Variants in GRK2 observed in about 807,000 individuals in gnomAD.
GRK2 encodes G protein-coupled receptor kinase 2.
A neutral mutation model predicts 97.8 loss-of-function variants in GRK2; 23 were observed. That is an observed-to-expected ratio of 0.24 (90% CI 0.17 to 0.33). The LOEUF (loss-of-function observed/expected upper bound fraction) is 0.33, where lower values mean the gene tolerates loss of function less well. Ranked by LOEUF, GRK2 falls within the 10% of genes least tolerant of loss-of-function variation. The pLI is 1.00. For missense variants in GRK2, 633 were observed against 956.9 expected (o/e 0.66, Z 4.47); for synonymous variants, 425 against 381.7 (o/e 1.11, Z -1.32).
At position 67,281,068 on chromosome 11, in the gene GRK2, G is replaced by A; in HGVS notation, c.556-25G>A. ...GGGCTGGGCAGAGGCAGCCTGTGGTGACCGCAGCTGTCGCTGCCCCTCAGC... is the reference window on the plus strand; with the variant it reads ...GGGCTGGGCAGAGGCAGCCTGTGGTAACCGCAGCTGTCGCTGCCCCTCAGC... On this transcript the variant is annotated intron_variant, in intron 7 of 20. Coordinates refer to ENST00000308595, the MANE Select transcript of GRK2 (RefSeq NM_001619.5). The surrounding 1 kb of genome is among the most constrained non-coding windows in gnomAD (Gnocchi z 5.7). The A allele has an allele frequency of 1.3e-6, 2 of 1,595,946 alleles. No homozygotes were observed. Among genetic ancestry groups the A allele is most frequent in the Non-Finnish European group, 1.7e-6 (2 of 1,168,204 alleles).
At position 67,282,642 on chromosome 11, in the gene GRK2, G is replaced by C. The variant is rs1860179727; in HGVS notation, c.1160+100G>C. 1 of 1,555,044 alleles carries C rather than the reference G, an allele frequency of 6.4e-7. No homozygotes were observed. Among genetic ancestry groups the C allele is most frequent in the Non-Finnish European group, 8.8e-7 (1 of 1,134,710 alleles). The stretch of plus-strand genomic sequence containing the variant: ...AAGGAGGGGAGCCCATAGCTGCCTT[G>C]GTGGTAGGGTTGGCACCGTCCCTGA... On this transcript the variant is annotated intron_variant, in intron 13 of 20. Transcript: ENST00000308595. This position sits in a 1 kb window ranked among gnomAD's most constrained non-coding sequence, Gnocchi z 6.9.
intron 6 of GRK2, chr11:67,280,299 T>A: frequency 2.7e-6 from 1 of 364,690 alleles, no homozygotes; most frequent in Non-Finnish European, 5.1e-6. Flanking sequence ...GTTGGCGCGG[T>A]GGGTGGGAAT....
chr11:67,275,426 C>G (rs1015384700), intron 1 of GRK2, among the ~76,000 whole-genome samples: 7 of 152,228 alleles, frequency 4.6e-5, no homozygotes, highest in Non-Finnish European at 8.8e-5. Flanking sequence ...CGGGGCTGGC[C>G]TCATAACCCT....
At chr11:67,279,172 C>T in intron 2 of GRK2, 28 bp from the exon 3 acceptor site, 2 of 1,599,060 alleles carry the variant, frequency 1.3e-6, no homozygotes, top group South Asian at 2.2e-5. Flanking sequence ...AGAGGCGTGG[C>T]TCTGTGACCT....
In GRK2 at chr11:67,271,790, C is replaced by G. The variant is rs575139935; in HGVS notation, c.113+4978C>G. Among the ~76,000 whole-genome samples, 22 of 152,332 alleles carry G rather than the reference C, an allele frequency of 1.4e-4. 1 individual carries two copies. The East Asian group carries it at 1.5e-3, about 11-fold the overall frequency. On this transcript the variant is annotated intron_variant, in intron 1 of 20. Coordinates refer to ENST00000308595, the MANE Select transcript of GRK2 (RefSeq NM_001619.5). ...ACCTGCCGGTTTGGGCTGGCCTTTC[C>G]TATTTGATCTGTGGCCCCGTCCTTG...
Position 67,266,486 on chromosome 11 carries a change from G to A in GRK2, c.-214G>A, listed in dbSNP as rs1265460452. The A allele has an allele frequency of 1.4e-5, 2 of 145,228 alleles. No homozygotes were observed. Among genetic ancestry groups the A allele is most frequent in the African/African-American group, 4.9e-5 (2 of 40,472 alleles). The allele number at this position is 145,228 out of a possible 1,614,324, so 9.0% of individuals were successfully genotyped here. A position where few individuals can be genotyped will look rare whatever the true frequency, so the allele number is the denominator to read the frequency against. On this transcript the variant is annotated 5_prime_UTR_variant, in exon 1 of 21. Transcript: ENST00000308595. ...CGCCCCGACTGCAGTCCCGGCGGGA[G>A]CGGAGCGCGAGCCGGGGCCGGGCCC... is the stretch of plus-strand genomic sequence containing the variant.
In GRK2 at chr11:67,283,889, G is replaced by A. The variant is rs1860209605; in HGVS notation, c.1431G>A (p.Val477=). ...PPPLIPPRGE[V]NAADAFDIGS... ...CGCTGATCCCCCCACGAGGGGAGGT[G>A]AACGCGGCCGACGCCTTCGACATTG... is the stretch of plus-strand genomic sequence containing the variant. Residue 477 remains valine, a synonymous_variant, in exon 17 of 21, where the codon GTG becomes GTA. Coordinates refer to ENST00000308595, the MANE Select transcript of GRK2 (RefSeq NM_001619.5). 1 of 1,612,968 alleles carries A rather than the reference G, an allele frequency of 6.2e-7. No homozygotes were observed. Among genetic ancestry groups the A allele is most frequent in the Non-Finnish European group, 8.5e-7 (1 of 1,179,820 alleles).
rs951463478 is a variant in GRK2 at position 67,276,198 on chromosome 11, T to G, written c.114-1074T>G. ...ACATGGGCTCAGGTGTGTTGTCCCT[T>G]CAGGCCCCCAGCCTTGCAATGCCCT... On this transcript the variant is annotated intron_variant, in intron 1 of 20. Transcript: ENST00000308595. The surrounding 1 kb of genome is among the most constrained non-coding windows in gnomAD (Gnocchi z 4.2). 3.3e-5 allele frequency among the ~76,000 whole-genome samples: 5 copies of G among 152,302 alleles called. No homozygotes were observed. The East Asian group carries it at 9.6e-4, about 29-fold the overall frequency.
chr11:67,285,258 C>G, intron 20 of GRK2, 28 bp from the exon 21 acceptor site: 1 of 1,609,252 alleles, frequency 6.2e-7, no homozygotes. Context: ...AGAGCCCCAG[C>G]TGACAGAGCT....
chr11:67,283,981 G>A, intron 17 of GRK2, 32 bp downstream of exon 17: 1 of 1,561,514 alleles, frequency 6.4e-7, no homozygotes, highest in South Asian at 1.1e-5. Context: ...CTTGTACCTA[G>A]GCTGTGATCC....
chr11:67,280,003 A>G, intron 6 of GRK2, 103 bp downstream of exon 6: 1 of 1,232,796 alleles, frequency 8.1e-7, no homozygotes, highest in Non-Finnish European at 1.2e-6. Context: ...TTAGGCCCTG[A>G]GCAGGCAGGT....
At position 67,281,691 on chromosome 11, in the gene GRK2, G is replaced by A. The variant is rs771507227; in HGVS notation, c.789G>A (p.Thr263=). ...FIVCMSYAFH[T]PDKLSFILDL... ...TCTGCATGTCATACGCGTTCCACAC[G>A]CCAGACAAGCTCAGCTTCATCCTGG... Residue 263 remains threonine, a synonymous_variant, in exon 10 of 21, where the codon ACG becomes ACA. Coordinates refer to ENST00000308595, the MANE Select transcript of GRK2 (RefSeq NM_001619.5). This position sits in a 1 kb window ranked among gnomAD's most constrained non-coding sequence, Gnocchi z 5.7. The A allele has an allele frequency of 1.8e-5, 27 of 1,506,656 alleles. No individual in the cohort carries two copies. The Admixed American group carries it at 3.0e-4, about 17-fold the overall frequency. 93.3% of individuals were successfully genotyped at this position (1,506,656 alleles called of 1,614,324 possible). A position where few individuals can be genotyped will look rare whatever the true frequency, so the allele number is the denominator to read the frequency against.
chr11:67,285,191 G>A lies in GRK2; in HGVS notation c.1905+3G>A, dbSNP rs202232901. The stretch of plus-strand genomic sequence containing the variant: ...AACAGTTCATTTTGCAGTGCGATGT[G>A]AGTGGGGGCTGAGCCAGGGATGGGA... On this transcript the variant is annotated splice_donor_region_variant and intron_variant, in intron 20 of 20. Transcript: ENST00000308595. The A allele has an allele frequency of 3.3e-4, 531 of 1,613,388 alleles. 2 individuals carry two copies. The African/African-American group carries it at 6.2e-3, about 19-fold the overall frequency.
intron 2 of GRK2, among the ~76,000 whole-genome samples, chr11:67,278,267 C>T (rs948996804): frequency 6.6e-5 from 10 of 152,226 alleles, no homozygotes; most frequent in East Asian, 1.9e-4. Flanking sequence ...GCAGTGCCCC[C>T]GAAGGCATGA....
At chr11:67,284,635 A>G (rs1860230486) in intron 18 of GRK2, 6 of 758,870 alleles carry the variant, frequency 7.9e-6, no homozygotes, top group South Asian at 5.8e-5. Flanking sequence ...AAAATACCAA[A>G]AAAATTAGCC....
chr11:67,284,377 A>G lies in GRK2; in HGVS notation c.1654+4A>G. The stretch of plus-strand genomic sequence containing the variant: ...AAGCAGCTGGGCCATGAGGAAGGTG[A>G]GGGTCGCCGGCTGCTGCGGCACCAG... On this transcript the variant is annotated splice_donor_region_variant and intron_variant, in intron 18 of 20. Coordinates refer to ENST00000308595, the MANE Select transcript of GRK2 (RefSeq NM_001619.5). The G allele has an allele frequency of 1.2e-6, 2 of 1,611,720 alleles. No individual in the cohort carries two copies. Among genetic ancestry groups the G allele is most frequent in the Non-Finnish European group, 1.7e-6 (2 of 1,179,682 alleles).
At position 67,286,450 on chromosome 11, in the gene GRK2, T is replaced by C. The variant is rs1382538061; in HGVS notation, c.*1000T>C. On this transcript the variant is annotated 3_prime_UTR_variant, in exon 21 of 21. Coordinates refer to ENST00000308595, the MANE Select transcript of GRK2 (RefSeq NM_001619.5). The stretch of plus-strand genomic sequence containing the variant: ...CCCCCGGGGCTGGGTTGGCGCACCC[T>C]CCCCTCCCGTCTACTCATTCCCCGG... 1 of 699,838 alleles carries C rather than the reference T, an allele frequency of 1.4e-6. No individual in the cohort carries two copies. The highest frequency in any genetic ancestry group is 2.6e-6 in the Non-Finnish European group (1 of 382,988). The allele number at this position is 699,838 out of a possible 1,614,324, so 43.4% of individuals were successfully genotyped here.
At position 67,286,019 on chromosome 11, in the gene GRK2, C is replaced by T. The variant is rs1239798050; in HGVS notation, c.*569C>T. On this transcript the variant is annotated 3_prime_UTR_variant, in exon 21 of 21. Coordinates refer to ENST00000308595, the MANE Select transcript of GRK2 (RefSeq NM_001619.5). ...GCCTCTGTGTCACTGGCTGCCTCCA[C>T]TCCCACTTCCCTGACACTGCGGGGC... 1.1e-5 allele frequency: 3 copies of T among 283,872 alleles called. No individual in the cohort carries two copies. Among genetic ancestry groups the T allele is most frequent in the African/African-American group, 4.6e-5 (2 of 43,724 alleles). 17.6% of individuals were successfully genotyped at this position (283,872 alleles called of 1,614,324 possible). A position where few individuals can be genotyped will look rare whatever the true frequency, so the allele number is the denominator to read the frequency against.
In GRK2 at chr11:67,279,406, C is replaced by A. The variant is rs375168837; in HGVS notation, c.265-12C>A. The A allele has an allele frequency of 6.2e-7, 1 of 1,612,694 alleles. No homozygotes were observed. The highest frequency in any genetic ancestry group is 1.3e-5 in the African/African-American group (1 of 75,042). ...TGGGCTCTAGATGACCTGCAGGAAT[C>A]CTGTCCTCCAGATCAAGAAGTACGA... On this transcript the variant is annotated splice_polypyrimidine_tract_variant and intron_variant, in intron 3 of 20. Transcript: ENST00000308595.
Sources: gnomAD v4.1 joint callset for allele counts (sites outside exome capture counted in the v4.1 genomes callset) on GRCh38, gnomAD v4.1.1 for gene constraint, Gnocchi (gnomAD v3.1) non-coding constraint, MANE v1.5 for transcripts, NCBI Gene and HGNC (gene_info 2026-07-23, HGNC 2026-07-21) for gene names.